The following HDAC8 variants were observed in gnomAD, a reference collection of about 807,000 sequenced individuals.
HDAC8 encodes histone deacetylase 8.
Under a neutral mutation model 32.2 loss-of-function variants are expected in HDAC8, and 1 was observed. That is an observed-to-expected ratio of 0.03 (90% confidence interval 0.01 to 0.15). The LOEUF is 0.15. HDAC8 is among the 10% of genes least tolerant of loss of function. The pLI is 1.00. For missense variants in HDAC8, 117 were observed against 300.0 expected, an observed-to-expected ratio of 0.39 and a Z score of 4.51; for synonymous variants, 108 against 113.9, an observed-to-expected ratio of 0.95 and a Z score of 0.33.
chrX:72,400,758 G>A (rs1441137263), intron 9 of HDAC8, among the ~76,000 whole-genome samples: 1 of 111,919 alleles, frequency 8.9e-6, no homozygotes, highest in Non-Finnish European at 1.9e-5. Flanking sequence ...CCCTAAAATA[G>A]ACCAATACTT....
chrX:72,547,475 TCAC>T (rs1250391536), intron 4 of HDAC8, among the ~76,000 whole-genome samples: 1 of 109,463 alleles, frequency 9.1e-6, no homozygotes, highest in Non-Finnish European at 1.9e-5. Flanking sequence ...TTCATGGTTT[TCAC>T]CACCACTTGA....
At chrX:72,333,205 C>A (rs1295932709) in intron 10 of HDAC8, among the ~76,000 whole-genome samples, 2 of 111,692 alleles carry the variant, frequency 1.8e-5, no homozygotes, top group Non-Finnish European at 3.8e-5. Context: ...TTCTCCACAT[C>A]TTATGAGTTG....
At chrX:72,355,080 T>G (rs926119473) in intron 9 of HDAC8, among the ~76,000 whole-genome samples, 1 of 112,292 alleles carries the variant, frequency 8.9e-6, no homozygotes, top group Non-Finnish European at 1.9e-5. Context: ...CCCGCTTGCT[T>G]AAGCCATTAG....
rs1556159954 is a variant in HDAC8, at chrX:72,572,098, C to T, written c.123G>A (p.Val41=). The stretch of plus-strand genomic sequence containing the variant: ...GTGCATATGCTTCAATCAAAGAATG[C>T]ACCATACTGGCCTAAAAACATCAGC... The part of the protein sequence containing the change: ...LAKIPKRASM[V]HSLIEAYALH... The change falls in exon 2 of 11, where the codon GTG becomes GTA. Residue 41 remains valine, a synonymous_variant. Coordinates refer to ENST00000373573, the MANE Select transcript of HDAC8 (RefSeq NM_018486.3). 4.2e-6 allele frequency: 5 copies of T among 1,188,076 alleles called. No homozygotes were observed. The highest frequency in any genetic ancestry group is 5.7e-6 in the Non-Finnish European group (5 of 884,715).
At chrX:72,497,884 A>G (rs2049077406) in intron 4 of HDAC8, among the ~76,000 whole-genome samples, 1 of 111,663 alleles carries the variant, frequency 9.0e-6, no homozygotes, top group Admixed American at 9.6e-5. Flanking sequence ...TAATTACTAC[A>G]TATAATTTTG....
intron 9 of HDAC8, among the ~76,000 whole-genome samples, chrX:72,375,227 A>ATC (rs781961704): frequency 7.3e-5 from 8 of 110,320 alleles, no homozygotes; most frequent in East Asian, 5.6e-4. Flanking sequence ...CAAATAGGAT[A>ATC]TCTCTCTCTC....
At chrX:72,459,720 A>G (rs1404520319) in intron 9 of HDAC8, among the ~76,000 whole-genome samples, 1 of 111,154 alleles carries the variant, frequency 9.0e-6, no homozygotes. Flanking sequence ...CTCCCTCCCT[A>G]GCTGCTTGAG....
intron 9 of HDAC8, among the ~76,000 whole-genome samples, chrX:72,389,023 A>G (rs1328518333): frequency 1.8e-5 from 2 of 112,350 alleles, no homozygotes; most frequent in African/African-American, 6.5e-5. Context: ...TTTTAGCTAC[A>G]TTATTAATAC....
At chrX:72,480,130 CA>C (rs781926118) in intron 7 of HDAC8, among the ~76,000 whole-genome samples, 1 of 111,881 alleles carries the variant, frequency 8.9e-6, no homozygotes, top group Non-Finnish European at 1.9e-5. Context: ...CCCGGAGAGG[CA>C]GGATAAAAGT....
intron 4 of HDAC8, among the ~76,000 whole-genome samples, chrX:72,546,173 C>T (rs1345171965): frequency 9.0e-6 from 1 of 111,292 alleles, no homozygotes; most frequent in African/African-American, 3.3e-5. Flanking sequence ...TAGAGCTTGC[C>T]AAGACAAACA....
chrX:72,361,481 A>T (rs782220330), intron 9 of HDAC8, among the ~76,000 whole-genome samples: 9 of 111,293 alleles, frequency 8.1e-5, no homozygotes, highest in Non-Finnish European at 1.5e-4. Flanking sequence ...CTTGAGCACT[A>T]ATTACATTTA....
chrX:72,440,899 G>T (rs904269670), intron 9 of HDAC8, among the ~76,000 whole-genome samples: 2 of 112,846 alleles, frequency 1.8e-5, no homozygotes, highest in Non-Finnish European at 3.8e-5. Flanking sequence ...CCTGGCTTGG[G>T]GGGGTCCTAC....
intron 7 of HDAC8, among the ~76,000 whole-genome samples, chrX:72,476,543 C>T (rs1319320601): frequency 9.0e-6 from 1 of 111,156 alleles, no homozygotes; most frequent in Admixed American, 9.6e-5. Flanking sequence ...CCTTTGCAAC[C>T]CCTACAGCAC....
rs181483230 is a variant in HDAC8, at chrX:72,562,918, G to T, written c.437+4971C>A. Among the ~76,000 whole-genome samples the T allele has an allele frequency of 4.4e-3, 413 of 94,428 alleles. 3 individuals carry two copies. The highest frequency in any genetic ancestry group is 0.016 in the African/African-American group (388 of 24,811). The allele number at this position is 94,428 out of a possible 115,157, so 82.0% of individuals were successfully genotyped here. A position where few individuals can be genotyped will look rare whatever the true frequency, so the allele number is the denominator to read the frequency against. On this transcript the variant is annotated intron_variant, in intron 4 of 10. Transcript: ENST00000373573. Reference sequence around the variant, plus strand: ...TTTTTCTGAGACACAGTCTCACTCTGTCACCCAGGCTGGTGTGCAGTGGCA... The same window carrying T: ...TTTTTCTGAGACACAGTCTCACTCTTTCACCCAGGCTGGTGTGCAGTGGCA...
chrX:72,541,639 T>C (rs782501819), intron 4 of HDAC8, among the ~76,000 whole-genome samples: 11 of 111,965 alleles, frequency 9.8e-5, no homozygotes, highest in South Asian at 3.8e-4. Flanking sequence ...GAGGTGATCA[T>C]GGTTTGTACT....
chrX:72,517,643 A>C (rs782771307), intron 4 of HDAC8, among the ~76,000 whole-genome samples: 1 of 111,542 alleles, frequency 9.0e-6, no homozygotes, highest in Admixed American at 9.5e-5. Flanking sequence ...ATTCTTTTGC[A>C]TGTAGATCCT....
intron 9 of HDAC8, among the ~76,000 whole-genome samples, chrX:72,427,912 AAT>A (rs2046697202): frequency 1.8e-5 from 2 of 111,738 alleles, no homozygotes; most frequent in South Asian, 7.4e-4. Context: ...TGAGGTTTGT[AAT>A]ATCTTTCAAC....
At chrX:72,385,131 T>G (rs2045386882) in intron 9 of HDAC8, among the ~76,000 whole-genome samples, 1 of 112,170 alleles carries the variant, frequency 8.9e-6, no homozygotes, top group Admixed American at 9.5e-5. Context: ...ATTGTGATTT[T>G]GTTTTTTACT....
chrX:72,533,153 C>T (rs782680328), intron 4 of HDAC8, among the ~76,000 whole-genome samples: 1 of 111,586 alleles, frequency 9.0e-6, no homozygotes, highest in East Asian at 2.8e-4. Context: ...GGTTCTCTTG[C>T]CAAAAATTGA....
Sources: gnomAD v4.1 joint callset for allele counts (sites outside exome capture counted in the v4.1 genomes callset) on GRCh38, gnomAD v4.1.1 for gene constraint, MANE v1.5 for transcripts, NCBI Gene and HGNC (gene_info 2026-07-23, HGNC 2026-07-21) for gene names.